The following DCC variants were observed in gnomAD, a reference collection of about 807,000 sequenced individuals.
DCC encodes the protein netrin receptor DCC.
In DCC, 58 loss-of-function variants were observed where a neutral mutation model predicts 172.5. The observed-to-expected ratio is 0.34, with a 90% CI of 0.27 to 0.42. DCC has a LOEUF of 0.42. DCC is among the 10% of genes least tolerant of loss of function. DCC has a pLI of 1.00. For missense variants in DCC, 1,740 were observed against 1,791.0 expected (o/e 0.97, Z 0.51); for synonymous variants, 709 against 644.5 (o/e 1.10, Z -1.52).
chr18:52,676,503 A>T (rs2035648853), intron 1 of DCC, among the ~76,000 whole-genome samples: 1 of 152,206 alleles, frequency 6.6e-6, no homozygotes, highest in Non-Finnish European at 1.5e-5. Flanking sequence ...ATATCTCAGA[A>T]ATTTTTACAA....
chr18:52,737,766 T>G (rs1193443228), intron 1 of DCC, among the ~76,000 whole-genome samples: 1 of 152,092 alleles, frequency 6.6e-6, no homozygotes, highest in African/African-American at 2.4e-5. Flanking sequence ...TGATAATAAG[T>G]GTGAATGAAT....
intron 1 of DCC, among the ~76,000 whole-genome samples, chr18:52,415,714 A>T (rs1373574616): frequency 1.3e-5 from 2 of 151,928 alleles, no homozygotes; most frequent in Non-Finnish European, 2.9e-5. Flanking sequence ...GCTTTTTGAA[A>T]CGTGAAGCCT....
intron 12 of DCC, among the ~76,000 whole-genome samples, chr18:53,219,897 T>C (rs2055905401): frequency 6.6e-6 from 1 of 152,188 alleles, no homozygotes. Context: ...ATTCTTTGTG[T>C]GTGTTTGTGT....
At chr18:52,650,658 A>C (rs2035114939) in intron 1 of DCC, among the ~76,000 whole-genome samples, 1 of 152,220 alleles carries the variant, frequency 6.6e-6, no homozygotes, top group Non-Finnish European at 1.5e-5. Context: ...TGTCTGGTAT[A>C]TAGTTTTTAT....
At chr18:52,567,495 A>T (rs778645893) in intron 1 of DCC, among the ~76,000 whole-genome samples, 5 of 152,056 alleles carry the variant, frequency 3.3e-5, no homozygotes, top group Non-Finnish European at 7.4e-5. Flanking sequence ...CCTCTACTCA[A>T]CTTCTCTGTG....
Position 53,029,446 on chromosome 18 carries a change from T to C in DCC, c.986-33859T>C, listed in dbSNP as rs533349907. ...TGCTGGGACTTTTCCAAGGTACATT[T>C]AGGGTAGAAATAATCACTGGGCAGA... On this transcript the variant is annotated intron_variant, in intron 5 of 28. Transcript: ENST00000442544. 5.9e-5 allele frequency among the ~76,000 whole-genome samples: 9 copies of C among 152,298 alleles called. No individual in the cohort carries two copies. The East Asian group carries it at 1.7e-3, about 29-fold the overall frequency.
chr18:53,417,847 A>C (rs1910410017), intron 21 of DCC, among the ~76,000 whole-genome samples: 1 of 152,086 alleles, frequency 6.6e-6, no homozygotes, highest in Non-Finnish European at 1.5e-5. Flanking sequence ...ACTGTTTTGC[A>C]TAATATTATT....
At chr18:52,692,623 G>T (rs1192178201) in intron 1 of DCC, among the ~76,000 whole-genome samples, 1 of 136,010 alleles carries the variant, frequency 7.4e-6, no homozygotes, top group Non-Finnish European at 1.6e-5. Flanking sequence ...GTAGAGAGAG[G>T]GTTTCACTAT....
intron 1 of DCC, among the ~76,000 whole-genome samples, chr18:52,458,736 A>C (rs569057735): frequency 6.6e-6 from 1 of 152,268 alleles, no homozygotes; most frequent in South Asian, 2.1e-4. Flanking sequence ...ACCTCTACTC[A>C]CTATTTAATC....
At chr18:53,447,453 G>T (rs1301116886) in intron 22 of DCC, among the ~76,000 whole-genome samples, 1 of 152,138 alleles carries the variant, frequency 6.6e-6, no homozygotes, top group Non-Finnish European at 1.5e-5. Context: ...CCAGGCAAAT[G>T]ACATCAATAT....
chr18:53,197,419 G>GTTTTTT (rs11427253), intron 9 of DCC, among the ~76,000 whole-genome samples: 17 of 119,522 alleles, frequency 1.4e-4, no homozygotes, highest in Admixed American at 5.4e-4. Context: ...TTTTATTTTA[G>GTTTTTT]TTTTTTTTTT....
intron 2 of DCC, among the ~76,000 whole-genome samples, chr18:52,770,845 G>GTTTTAA (rs1413066064): frequency 6.6e-6 from 1 of 152,208 alleles, no homozygotes; most frequent in Non-Finnish European, 1.5e-5. Context: ...AGTTTTAATA[G>GTTTTAA]TGATCTCACA....
chr18:53,021,879 G>A lies in DCC; in HGVS notation c.986-41426G>A, dbSNP rs939542672. Among the ~76,000 whole-genome samples, 4 of 152,102 alleles carry A rather than the reference G, an allele frequency of 2.6e-5. 1 individual carries two copies. Among genetic ancestry groups the A allele is most frequent in the African/African-American group, 9.7e-5 (4 of 41,410 alleles). On this transcript the variant is annotated intron_variant, in intron 5 of 28. Transcript: ENST00000442544. ...AAGCAGTTGGTTAATGGCTGCATTT[G>A]GTTTTATTTGGACTTTATTCAAAAG... is the stretch of plus-strand genomic sequence containing the variant.
chr18:52,831,151 C>A (rs1422961593), intron 2 of DCC, among the ~76,000 whole-genome samples: 1 of 152,052 alleles, frequency 6.6e-6, no homozygotes, highest in Non-Finnish European at 1.5e-5. Context: ...TGGCAAGCAA[C>A]CAACAGTGCA....
intron 2 of DCC, among the ~76,000 whole-genome samples, chr18:52,793,193 C>T (rs2037809750): frequency 6.6e-6 from 1 of 152,178 alleles, no homozygotes; most frequent in Non-Finnish European, 1.5e-5. Flanking sequence ...CCACCCTAAT[C>T]TTATGCAAAT....
intron 1 of DCC, among the ~76,000 whole-genome samples, chr18:52,412,423 A>G (rs576792341): frequency 6.6e-6 from 1 of 152,248 alleles, no homozygotes; most frequent in African/African-American, 2.4e-5. Flanking sequence ...ATACTATACT[A>G]TACTGTAAAA....
chr18:53,318,752 GTTTT>G (rs57810228), intron 13 of DCC, among the ~76,000 whole-genome samples: 1 of 132,156 alleles, frequency 7.6e-6, no homozygotes, highest in Non-Finnish European at 1.6e-5. Flanking sequence ...TCTTCGTTGG[GTTTT>G]TTTTTTTTTT....
chr18:52,879,412 C>CTTTTTTGTTTTTTTTTTTT (rs2039448543), intron 2 of DCC, among the ~76,000 whole-genome samples: 1 of 62,356 alleles, frequency 1.6e-5, no homozygotes, highest in Non-Finnish European at 2.9e-5. Context: ...TGTTGTTTGG[C>CTTTTTTGTTTTTTTTTTTT]TTTTTTTTTT....
chr18:52,820,156 C>T (rs1009174579), intron 2 of DCC, among the ~76,000 whole-genome samples: 1 of 152,124 alleles, frequency 6.6e-6, no homozygotes, highest in Admixed American at 6.5e-5. Context: ...ATACAGCAGT[C>T]CTCCCATGAA....
Sources: gnomAD v4.1 joint callset for allele counts (sites outside exome capture counted in the v4.1 genomes callset) on GRCh38, gnomAD v4.1.1 for gene constraint, MANE v1.5 for transcripts, NCBI Gene and HGNC (gene_info 2026-07-23, HGNC 2026-07-21) for gene names.